TBXAS1: variants seen among roughly 807,000 people sequenced by gnomAD.
TBXAS1 encodes thromboxane-A synthase.
TBXAS1 carries 48 observed loss-of-function variants against 60.7 expected under a neutral mutation model. That is an observed-to-expected ratio of 0.79 (90% CI 0.63 to 1.01). The LOEUF (loss-of-function observed/expected upper bound fraction) is 1.01, where lower values mean the gene tolerates loss of function less well. TBXAS1 is among the 50% of genes least tolerant of loss of function. TBXAS1 has a pLI of 0.00. For synonymous variants in TBXAS1, 287 were observed against 269.7 expected, an observed-to-expected ratio of 1.06 and a Z score of -0.63; for missense variants, 685 against 686.3, an observed-to-expected ratio of 1.00 and a Z score of 0.02.
chr7:140,016,116 C>T (rs1043148549), intron 11 of TBXAS1, among the ~76,000 whole-genome samples: 5 of 152,080 alleles, frequency 3.3e-5, no homozygotes, highest in South Asian at 4.1e-4. Context: ...ATCACGAGGT[C>T]AGGAGATCGA....
intron 5 of TBXAS1, among the ~76,000 whole-genome samples, chr7:139,949,355 A>T (rs1809015880): frequency 1.3e-5 from 2 of 152,248 alleles, no homozygotes; most frequent in Admixed American, 1.3e-4. Context: ...TTCTTTTACC[A>T]TGTTACTATT....
rs1813539558 is a variant in TBXAS1 at position 139,999,801 on chromosome 7, G to T, written c.1135-7290G>T. 6.6e-6 allele frequency among the ~76,000 whole-genome samples: 1 copy of T among 152,168 alleles called. No individual in the cohort carries two copies. Among genetic ancestry groups the T allele is most frequent in the African/African-American group, 2.4e-5 (1 of 41,440 alleles). On this transcript the variant is annotated intron_variant, in intron 9 of 12. Coordinates refer to ENST00000448866, the MANE Select transcript of TBXAS1 (RefSeq NM_001061.7). The surrounding 1 kb of genome is among the most constrained non-coding windows in gnomAD (Gnocchi z 4.3). ...ACCAAGTCTAGTGACAGCTGGGTAG[G>T]CATAACTACTACAGATGCTGCTGTT... is the stretch of plus-strand genomic sequence containing the variant.
chr7:139,874,560 T>A (rs1022351193), intron 2 of TBXAS1, among the ~76,000 whole-genome samples: 1 of 152,238 alleles, frequency 6.6e-6, no homozygotes, highest in South Asian at 2.1e-4. Flanking sequence ...TCAGTAGATT[T>A]CATGAGAAAG....
At chr7:139,864,608 T>TA (rs2116743641) in intron 1 of TBXAS1, among the ~76,000 whole-genome samples, 1 of 151,516 alleles carries the variant, frequency 6.6e-6, no homozygotes, top group East Asian at 1.9e-4. Flanking sequence ...AAGTAATATA[T>TA]AAAAAAGAGA....
intron 3 of TBXAS1, among the ~76,000 whole-genome samples, chr7:139,893,471 G>A (rs529236836): frequency 6.6e-6 from 1 of 152,048 alleles, no homozygotes; most frequent in Non-Finnish European, 1.5e-5. Flanking sequence ...TGTCCCTGCA[G>A]GGCCATCGAA....
At chr7:139,938,030 TCTTATCTTACTGGTAAAG>T (rs1383406328) in intron 5 of TBXAS1, among the ~76,000 whole-genome samples, 1 of 152,178 alleles carries the variant, frequency 6.6e-6, no homozygotes, top group Non-Finnish European at 1.5e-5. Flanking sequence ...TAAAATTTTC[TCTTATCTTACTGGTAAAG>T]CTGTTTGAAA....
chr7:139,995,886 C>T (rs1813249629), intron 9 of TBXAS1, among the ~76,000 whole-genome samples: 2 of 152,162 alleles, frequency 1.3e-5, no homozygotes, highest in Non-Finnish European at 2.9e-5. Flanking sequence ...AAGCAGTCTG[C>T]CAGTCTCCCC....
intron 4 of TBXAS1, among the ~76,000 whole-genome samples, chr7:139,818,586 C>CT (rs1798213182): frequency 6.6e-6 from 1 of 152,162 alleles, no homozygotes; most frequent in Non-Finnish European, 1.5e-5. Context: ...GACATATTCC[C>CT]TTGGAGGCAG....
chr7:139,789,196 A>G (rs1797297473), intron 4 of TBXAS1: 1 of 151,376 alleles, frequency 6.6e-6, no homozygotes, highest in African/African-American at 2.4e-5. Flanking sequence ...AAATGCTTAT[A>G]CATTTAATAT....
intron 9 of TBXAS1, among the ~76,000 whole-genome samples, chr7:139,979,406 TAAACAGATCA>T (rs1811803491): frequency 6.6e-6 from 1 of 151,898 alleles, no homozygotes; most frequent in South Asian, 2.1e-4. Context: ...CAATAACCAA[TAAACAGATCA>T]AACAACAGAA....
At chr7:139,905,047 CTT>C (rs1267648213) in intron 3 of TBXAS1, among the ~76,000 whole-genome samples, 4 of 86,382 alleles carry the variant, frequency 4.6e-5, no homozygotes, top group Non-Finnish European at 8.8e-5. Flanking sequence ...TTCTTTCTTT[CTT>C]TCTTTCTTTC....
intron 9 of TBXAS1, among the ~76,000 whole-genome samples, chr7:139,971,716 G>T (rs1811211117): frequency 6.6e-6 from 1 of 152,138 alleles, no homozygotes; most frequent in South Asian, 2.1e-4. Context: ...GCTCCCAGGA[G>T]CCTCAGCAGT....
chr7:139,976,306 T>C (rs1482759005), intron 9 of TBXAS1, among the ~76,000 whole-genome samples: 2 of 152,160 alleles, frequency 1.3e-5, no homozygotes. Context: ...GACAAGTCCC[T>C]GGGAAATGGT....
chr7:139,940,893 T>TA (rs1808235906), intron 5 of TBXAS1, among the ~76,000 whole-genome samples: 1 of 152,034 alleles, frequency 6.6e-6, no homozygotes, highest in East Asian at 1.9e-4. Context: ...GAAACTAAGC[T>TA]AAAAAAATGA....
intron 4 of TBXAS1, among the ~76,000 whole-genome samples, chr7:139,794,251 C>T (rs1327486277): frequency 1.3e-5 from 2 of 152,082 alleles, no homozygotes; most frequent in African/African-American, 4.8e-5. Context: ...CAGGCATGCA[C>T]CACCATGCTG....
intron 4 of TBXAS1, among the ~76,000 whole-genome samples, chr7:139,789,087 G>A (rs532134144): frequency 3.3e-4 from 51 of 152,262 alleles, no homozygotes; most frequent in Admixed American, 7.8e-4. Flanking sequence ...AATGGAGGTC[G>A]TTAGTGTGAT....
chr7:139,890,416 C>T (rs1018305148), intron 3 of TBXAS1, among the ~76,000 whole-genome samples: 4 of 152,014 alleles, frequency 2.6e-5, no homozygotes, highest in African/African-American at 9.7e-5. Context: ...GGGGTTTCAC[C>T]TTGTTAGCCA....
At chr7:139,901,931 T>A (rs562034001) in intron 3 of TBXAS1, among the ~76,000 whole-genome samples, 12 of 152,114 alleles carry the variant, frequency 7.9e-5, no homozygotes, top group South Asian at 2.1e-4. Flanking sequence ...AGTGACTTTT[T>A]AAAAATTTTT....
chr7:139,935,248 G>C (rs544133169), intron 4 of TBXAS1, among the ~76,000 whole-genome samples: 5 of 152,346 alleles, frequency 3.3e-5, no homozygotes, highest in African/African-American at 9.6e-5. Context: ...AAATGGCATA[G>C]TATTTGCATA....
Sources: gnomAD v4.1 joint callset for allele counts (sites outside exome capture counted in the v4.1 genomes callset) on GRCh38, gnomAD v4.1.1 for gene constraint, Gnocchi (gnomAD v3.1) non-coding constraint, MANE v1.5 for transcripts, NCBI Gene and HGNC (gene_info 2026-07-23, HGNC 2026-07-21) for gene names.